The following XNDC1N variants were observed in gnomAD, a reference collection of about 807,000 sequenced individuals.
XNDC1N encodes the protein protein XNDC1N.
At chr11:71,896,899 G>C in the XNDC1N span, among the ~76,000 whole-genome samples, 2 of 152,170 alleles carry the variant, frequency 1.3e-5, no homozygotes, top group African/African-American at 4.8e-5. Flanking sequence ...GTTGTTGTTT[G>C]TTTGTTTTGG....
At chr11:71,880,706 G>A in the XNDC1N span, among the ~76,000 whole-genome samples, 16 of 152,034 alleles carry the variant, frequency 1.1e-4, no homozygotes, top group African/African-American at 3.9e-4. Context: ...TTGGTATGTT[G>A]TGTTTCCATT....
chr11:71,887,535 A>T, the XNDC1N span, among the ~76,000 whole-genome samples: 2 of 151,502 alleles, frequency 1.3e-5, no homozygotes, highest in South Asian at 4.2e-4. Context: ...GGTGGCCAAG[A>T]GTATGGGCAG....
chr11:71,902,067 A>G, the XNDC1N span, among the ~76,000 whole-genome samples: 525 of 152,190 alleles, frequency 3.4e-3, 6 homozygotes, highest in African/African-American at 0.012. Context: ...GATTCCCCAG[A>G]GCCTATATCG....
At chr11:71,867,426 C>G in the XNDC1N span, among the ~76,000 whole-genome samples, 1 of 152,152 alleles carries the variant, frequency 6.6e-6, no homozygotes, top group African/African-American at 2.4e-5. Context: ...AGGCCCATGC[C>G]CCTGGGAGTA....
the XNDC1N span, among the ~76,000 whole-genome samples, chr11:71,875,727 G>C: frequency 6.7e-6 from 1 of 149,898 alleles, no homozygotes; most frequent in South Asian, 2.1e-4. Context: ...GAAAACAATG[G>C]ATTTAGAAAG....
At chr11:71,878,580 A>T in the XNDC1N span, 1 of 1,527,230 alleles carries the variant, frequency 6.5e-7, no homozygotes. Flanking sequence ...GTCTTTCAAG[A>T]GTCTGAAAAT....
At chr11:71,917,001 A>ATATTATTAT in the XNDC1N span, 565 of 176,092 alleles carry the variant, frequency 3.2e-3, 1 homozygote, top group Middle Eastern at 7.6e-3. Context: ...CCACAAAAAC[A>ATATTATTAT]TATTATTGTT....
chr11:71,908,658 G>A, the XNDC1N span, among the ~76,000 whole-genome samples: 6 of 151,926 alleles, frequency 3.9e-5, no homozygotes, highest in Non-Finnish European at 5.9e-5. Flanking sequence ...ACAATACAAC[G>A]CCCCATACCG....
chr11:71,890,311 C>A, the XNDC1N span, among the ~76,000 whole-genome samples: 4 of 147,734 alleles, frequency 2.7e-5, no homozygotes, highest in African/African-American at 5.1e-5. Context: ...TGTGCGTGTA[C>A]GCCTGTCGCG....
At chr11:71,881,862 A>T in the XNDC1N span, among the ~76,000 whole-genome samples, 8 of 152,188 alleles carry the variant, frequency 5.3e-5, no homozygotes, top group African/African-American at 1.9e-4. Context: ...TAATAAGTGT[A>T]GGCCAATTAG....
chr11:71,876,563 G>A, the XNDC1N span, among the ~76,000 whole-genome samples: 2 of 152,048 alleles, frequency 1.3e-5, no homozygotes, highest in South Asian at 2.1e-4. Flanking sequence ...TCTTAGGTTG[G>A]TGCAAACATA....
At chr11:71,881,139 G>C in the XNDC1N span, among the ~76,000 whole-genome samples, 1 of 152,088 alleles carries the variant, frequency 6.6e-6, no homozygotes, top group African/African-American at 2.4e-5. Context: ...ATGATGTTGA[G>C]GTGTATCTCT....
chr11:71,892,807 C>A, the XNDC1N span, among the ~76,000 whole-genome samples: 141 of 152,224 alleles, frequency 9.3e-4, no homozygotes, highest in African/African-American at 3.3e-3. Flanking sequence ...AGGTGTGAGC[C>A]ATGGTACTGG....
the XNDC1N span, among the ~76,000 whole-genome samples, chr11:71,919,483 A>C: frequency 6.6e-6 from 1 of 150,444 alleles, no homozygotes; most frequent in Non-Finnish European, 1.5e-5. Context: ...CCGCCTCCCG[A>C]ATTTAAGCAA....
the XNDC1N span, among the ~76,000 whole-genome samples, chr11:71,897,343 G>C: frequency 6.6e-6 from 1 of 152,182 alleles, no homozygotes; most frequent in Non-Finnish European, 1.5e-5. Flanking sequence ...AAAAGAGGCT[G>C]ACAGCCATCA....
At chr11:71,883,028 A>C in the XNDC1N span, among the ~76,000 whole-genome samples, 6 of 152,204 alleles carry the variant, frequency 3.9e-5, no homozygotes, top group African/African-American at 1.4e-4. Flanking sequence ...TTTAAGAATA[A>C]ACTTAACCAA....
the XNDC1N span, among the ~76,000 whole-genome samples, chr11:71,915,426 C>A: frequency 2.1e-5 from 3 of 144,762 alleles, no homozygotes; most frequent in Admixed American, 7.1e-5. Context: ...CCAGCCTGGG[C>A]AACAGTGCGA....
chr11:71,882,274 T>A, the XNDC1N span, among the ~76,000 whole-genome samples: 138 of 152,098 alleles, frequency 9.1e-4, no homozygotes, highest in Non-Finnish European at 1.5e-3. Context: ...CTTTTTTTTT[T>A]AGACAGAGTC....
the XNDC1N span, among the ~76,000 whole-genome samples, chr11:71,879,879 A>C: frequency 6.6e-6 from 1 of 152,122 alleles, no homozygotes; most frequent in African/African-American, 2.4e-5. Flanking sequence ...ATTTAGCATA[A>C]TGTTTTCAAG....
Sources: gnomAD v4.1 joint callset for allele counts (sites outside exome capture counted in the v4.1 genomes callset) on GRCh38, gnomAD v4.1.1 for gene constraint, MANE v1.5 for transcripts, NCBI Gene and HGNC (gene_info 2026-07-23, HGNC 2026-07-21) for gene names.